Variants in TBL1XR1 observed in about 807,000 individuals in gnomAD.
TBL1XR1 encodes TBL1X/Y related 1.
TBL1XR1 carries 5 observed loss-of-function variants against 66.9 expected under a neutral mutation model. The ratio of observed to expected loss-of-function variants is 0.07; its 90% confidence interval spans 0.04 to 0.16. The LOEUF is 0.16. Among genes scored for constraint, TBL1XR1 ranks in the 10% least tolerant of loss-of-function variants. The probability of loss-of-function intolerance (pLI) is 1.00; values close to 1 mark genes in which losing one functional copy is unlikely to be tolerated. For missense variants in TBL1XR1, 238 were observed against 623.2 expected (o/e 0.38, Z 6.58); for synonymous variants, 210 against 206.0 (o/e 1.02, Z -0.17).
At chr3:177,192,006 T>C (rs1370266663) in intron 1 of TBL1XR1, among the ~76,000 whole-genome samples, 1 of 150,252 alleles carries the variant, frequency 6.7e-6, no homozygotes, top group Admixed American at 6.7e-5. Context: ...GGTAGGGGAA[T>C]CGCTTGAACC....
At chr3:177,184,801 A>G (rs924813740) in intron 1 of TBL1XR1, among the ~76,000 whole-genome samples, 1 of 38,136 alleles carries the variant, frequency 2.6e-5, no homozygotes, top group African/African-American at 6.8e-5. Context: ...ACTGTGGCTC[A>G]AAAAAAAAAA....
At chr3:177,194,897 G>A (rs945905134) in intron 1 of TBL1XR1, among the ~76,000 whole-genome samples, 2 of 152,140 alleles carry the variant, frequency 1.3e-5, no homozygotes, top group African/African-American at 2.4e-5. Context: ...TCTGCAAGGG[G>A]TCACTCCATT....
chr3:177,164,849 C>T (rs1251307498), intron 1 of TBL1XR1, among the ~76,000 whole-genome samples: 1 of 152,120 alleles, frequency 6.6e-6, no homozygotes, highest in Non-Finnish European at 1.5e-5. Flanking sequence ...TTATGAACTA[C>T]AAGACTATGG....
At chr3:177,125,795 T>TA in intron 1 of TBL1XR1, among the ~76,000 whole-genome samples, 1 of 152,096 alleles carries the variant, frequency 6.6e-6, no homozygotes, top group East Asian at 1.9e-4. Context: ...AATTTCCAAG[T>TA]AAAAAAATTA....
chr3:177,047,211 T>C, intron 9 of TBL1XR1, 89 bp downstream of exon 9: 2 of 1,053,160 alleles, frequency 1.9e-6, no homozygotes, highest in Non-Finnish European at 2.7e-6. Flanking sequence ...CAAATAGGAA[T>C]GTTTATGTAA....
At chr3:177,105,723 T>C (rs1189832688) in intron 1 of TBL1XR1, among the ~76,000 whole-genome samples, 4 of 152,054 alleles carry the variant, frequency 2.6e-5, no homozygotes, top group South Asian at 2.1e-4. Context: ...TCAGATGTAA[T>C]TGGTCTAGGG....
intron 1 of TBL1XR1, among the ~76,000 whole-genome samples, chr3:177,118,747 G>A (rs1726614172): frequency 1.3e-5 from 2 of 152,244 alleles, no homozygotes; most frequent in South Asian, 4.1e-4. Context: ...TTTAATGGGG[G>A]AGTAGAGACA....
intron 1 of TBL1XR1, among the ~76,000 whole-genome samples, chr3:177,175,831 T>C (rs1360503262): frequency 2.0e-5 from 3 of 151,938 alleles, no homozygotes; most frequent in Non-Finnish European, 2.9e-5. Flanking sequence ...GGCCGAGGCG[T>C]GCGGATCTCG....
chr3:177,075,964 G>GA (rs1011660871), intron 2 of TBL1XR1, among the ~76,000 whole-genome samples: 27 of 151,318 alleles, frequency 1.8e-4, no homozygotes, highest in Non-Finnish European at 2.5e-4. Flanking sequence ...GGGGCTACCG[G>GA]AAAAAAAACA....
At chr3:177,096,331 T>TATACACAC (rs1723475931) in intron 2 of TBL1XR1, among the ~76,000 whole-genome samples, 1 of 100,698 alleles carries the variant, frequency 9.9e-6, no homozygotes, top group African/African-American at 3.7e-5. Context: ...CTAACATACA[T>TATACACAC]ACATACACAC....
chr3:177,144,740 G>A (rs1730044957), intron 1 of TBL1XR1, among the ~76,000 whole-genome samples: 1 of 151,070 alleles, frequency 6.6e-6, no homozygotes, highest in African/African-American at 2.4e-5. Flanking sequence ...GCGACAGAGG[G>A]AGACTCCGTC....
At chr3:177,089,879 G>T (rs1241219077) in intron 2 of TBL1XR1, among the ~76,000 whole-genome samples, 3 of 152,184 alleles carry the variant, frequency 2.0e-5, no homozygotes, top group African/African-American at 7.2e-5. Context: ...TAAATGAAAA[G>T]ATGCAAATTA....
chr3:177,174,360 G>A (rs1440776798), intron 1 of TBL1XR1, among the ~76,000 whole-genome samples: 1 of 127,982 alleles, frequency 7.8e-6, no homozygotes, highest in African/African-American at 2.9e-5. Context: ...AGTGAGCTGA[G>A]ATAGTGCCAC....
chr3:177,134,131 C>G (rs529274571), intron 1 of TBL1XR1, among the ~76,000 whole-genome samples: 72 of 152,258 alleles, frequency 4.7e-4, no homozygotes, highest in Admixed American at 2.0e-3. Context: ...CAAACTGATT[C>G]TTAACCACTG....
intron 1 of TBL1XR1, chr3:177,195,687 A>C (rs565138843): frequency 6.6e-6 from 1 of 152,062 alleles, no homozygotes; most frequent in East Asian, 1.9e-4. Flanking sequence ...CGGAGGGGGA[A>C]GATCACTTAA....
chr3:177,088,656 G>A (rs73187526), intron 2 of TBL1XR1, among the ~76,000 whole-genome samples: 11,356 of 151,158 alleles, frequency 0.075, 516 homozygotes, highest in Admixed American at 0.15. Context: ...AAGATACAAG[G>A]AATCAGTTAA....
intron 1 of TBL1XR1, among the ~76,000 whole-genome samples, chr3:177,127,019 CTT>C (rs2108773964): frequency 6.6e-6 from 1 of 152,294 alleles, no homozygotes; most frequent in South Asian, 2.1e-4. Flanking sequence ...CTACAGTTCT[CTT>C]CTCATAAAAT....
At chr3:177,144,076 T>C (rs983602871) in intron 1 of TBL1XR1, among the ~76,000 whole-genome samples, 4 of 151,714 alleles carry the variant, frequency 2.6e-5, no homozygotes, top group African/African-American at 9.7e-5. Context: ...AGAAACCCCG[T>C]CTCTACTAAA....
In TBL1XR1 at chr3:177,127,046, A is replaced by C. The variant is rs1357944920; in HGVS notation, c.-121-28505T>G. Among the ~76,000 whole-genome samples, 7 of 152,334 alleles carry C rather than the reference A, an allele frequency of 4.6e-5. No individual in the cohort carries two copies. In the East Asian group the frequency reaches 1.3e-3, roughly 29 times the overall value. On this transcript the variant is annotated intron_variant, in intron 1 of 15. Coordinates refer to ENST00000457928, the MANE Select transcript of TBL1XR1 (RefSeq NM_024665.7). ...TCTCATAAAATGCGTTCAACAATAC[A>C]AAAGTTTGATTGTTTTAAAGAGTAA... is the stretch of plus-strand genomic sequence containing the variant.
Sources: gnomAD v4.1 joint callset for allele counts (sites outside exome capture counted in the v4.1 genomes callset) on GRCh38, gnomAD v4.1.1 for gene constraint, MANE v1.5 for transcripts, NCBI Gene and HGNC (gene_info 2026-07-23, HGNC 2026-07-21) for gene names.